Variants in MAGI2 observed in about 807,000 individuals in gnomAD.
MAGI2 encodes the protein membrane-associated guanylate kinase, WW and PDZ domain-containing protein 2.
In MAGI2, 35 loss-of-function variants were observed where a neutral mutation model predicts 133.3. The ratio of observed to expected loss-of-function variants is 0.26; its 90% CI spans 0.20 to 0.35. MAGI2 has a LOEUF of 0.35. Among genes scored for constraint, MAGI2 ranks in the 10% least tolerant of loss-of-function variants. The probability of loss-of-function intolerance (pLI) is 1.00; values close to 1 mark genes in which losing one functional copy is unlikely to be tolerated. For missense variants in MAGI2, 1,636 were observed against 1,863.4 expected (o/e 0.88, Z 2.25); for synonymous variants, 729 against 710.6 (o/e 1.03, Z -0.41).
intron 2 of MAGI2, among the ~76,000 whole-genome samples, chr7:78,852,967 T>C (rs548943441): frequency 9.9e-5 from 15 of 152,206 alleles, no homozygotes; most frequent in African/African-American, 2.7e-4. Context: ...AAAGTTGCTG[T>C]TTGAATTAGC....
intron 16 of MAGI2, among the ~76,000 whole-genome samples, chr7:78,137,303 T>A (rs984995138): frequency 2.0e-5 from 3 of 152,206 alleles, no homozygotes; most frequent in African/African-American, 2.4e-5. Flanking sequence ...TCTCTGAGTC[T>A]GTTTTTCGAC....
intron 1 of MAGI2, among the ~76,000 whole-genome samples, chr7:79,440,056 G>T (rs940782157): frequency 6.6e-6 from 1 of 151,984 alleles, no homozygotes; most frequent in African/African-American, 2.4e-5. Flanking sequence ...TTTCTACTCT[G>T]CTTGGCAGTA....
rs36097343 is a variant in MAGI2 at position 78,280,853 on chromosome 7, CA to C, written c.1409-24273del. Among the ~76,000 whole-genome samples the C allele has an allele frequency of 5.8e-3, 629 of 108,006 alleles. 2 individuals carry two copies. The highest frequency in any genetic ancestry group is 8.1e-3 in the Non-Finnish European group (454 of 56,042). The allele number at this position is 108,006 out of a possible 152,430, so 70.9% of individuals were successfully genotyped here. ...ACTTGATCTTCAGGTGATGGGTATA[CA>C]AAAAAAAAAAAAAAAAAAAAAATTG... On this transcript the variant is annotated intron_variant, in intron 9 of 21. Coordinates refer to ENST00000354212, the MANE Select transcript of MAGI2 (RefSeq NM_012301.4).
At chr7:78,136,901 A>C (rs532648537) in intron 16 of MAGI2, among the ~76,000 whole-genome samples, 1 of 152,336 alleles carries the variant, frequency 6.6e-6, no homozygotes, top group East Asian at 1.9e-4. Flanking sequence ...TATAGATAGC[A>C]TATGAAAATA....
chr7:78,353,045 C>T (rs1791686629), intron 7 of MAGI2: 1 of 152,132 alleles, frequency 6.6e-6, no homozygotes, highest in Admixed American at 6.5e-5. Context: ...TCTATCGATC[C>T]CTTTTCACTC....
chr7:78,203,367 C>T (rs1829445704), intron 10 of MAGI2, among the ~76,000 whole-genome samples: 1 of 152,214 alleles, frequency 6.6e-6, no homozygotes, highest in Non-Finnish European at 1.5e-5. Context: ...AATGTATAAT[C>T]ATCTACCGTC....
chr7:79,293,658 A>G (rs962752695), intron 1 of MAGI2, among the ~76,000 whole-genome samples: 1 of 152,248 alleles, frequency 6.6e-6, no homozygotes, highest in African/African-American at 2.4e-5. Flanking sequence ...TCCACTTGAC[A>G]GATGAAAAAT....
intron 6 of MAGI2, among the ~76,000 whole-genome samples, chr7:78,488,497 C>G (rs1206200615): frequency 1.3e-5 from 2 of 151,790 alleles, no homozygotes; most frequent in African/African-American, 4.8e-5. Flanking sequence ...AATCATAACT[C>G]CCAGTTAGAA....
intron 2 of MAGI2, among the ~76,000 whole-genome samples, chr7:78,927,579 T>G (rs1194365878): frequency 6.6e-6 from 1 of 151,900 alleles, no homozygotes; most frequent in Non-Finnish European, 1.5e-5. Context: ...AGGTAGAACT[T>G]TATTAAATGA....
chr7:78,401,186 CCA>C (rs1491274417), intron 6 of MAGI2, among the ~76,000 whole-genome samples: 3 of 127,638 alleles, frequency 2.4e-5, no homozygotes, highest in Admixed American at 1.8e-4. Flanking sequence ...CCACCAACAA[CCA>C]AAAAAAAAAA....
At chr7:78,701,946 A>C (rs186626790) in intron 2 of MAGI2, among the ~76,000 whole-genome samples, 1 of 152,014 alleles carries the variant, frequency 6.6e-6, no homozygotes, top group Admixed American at 6.6e-5. Context: ...ATGATGCATC[A>C]TATCTATTTA....
chr7:79,065,546 T>C (rs1814220034), intron 1 of MAGI2, among the ~76,000 whole-genome samples: 1 of 152,102 alleles, frequency 6.6e-6, no homozygotes, highest in Non-Finnish European at 1.5e-5. Flanking sequence ...TTCTCATATA[T>C]AATACCAAAA....
chr7:79,331,560 C>T (rs916269835), intron 1 of MAGI2, among the ~76,000 whole-genome samples: 1 of 152,052 alleles, frequency 6.6e-6, no homozygotes, highest in African/African-American at 2.4e-5. Context: ...TATTTACAGA[C>T]CAGAAAGACC....
chr7:78,144,295 T>TTTTCTTCCGTAGC (rs1823064359), intron 16 of MAGI2, among the ~76,000 whole-genome samples: 5 of 152,210 alleles, frequency 3.3e-5, no homozygotes, highest in Non-Finnish European at 7.4e-5. Context: ...TTCACATTTC[T>TTTTCTTCCGTAGC]AATAATATTC....
Position 78,119,433 on chromosome 7 carries a change from T to C in MAGI2, c.3567+6261A>G, listed in dbSNP as rs914663199. On this transcript the variant is annotated intron_variant, in intron 20 of 21. Coordinates refer to ENST00000354212, the MANE Select transcript of MAGI2 (RefSeq NM_012301.4). ...AAAATTAGCCGGGCATGGTGGTTAG[T>C]GCCTGCAGTCCCAGCCACTTGGGAG... 7.3e-5 allele frequency among the ~76,000 whole-genome samples: 11 copies of C among 151,664 alleles called. No individual in the cohort carries two copies. The East Asian group carries it at 1.9e-3, about 27-fold the overall frequency.
At chr7:78,462,264 C>T (rs1004765883) in intron 6 of MAGI2, among the ~76,000 whole-genome samples, 1 of 152,066 alleles carries the variant, frequency 6.6e-6, no homozygotes, top group Non-Finnish European at 1.5e-5. Flanking sequence ...AGTCATCAGA[C>T]AAAAACCAGT....
chr7:78,064,445 G>A (rs1813608008), intron 21 of MAGI2, among the ~76,000 whole-genome samples: 1 of 151,866 alleles, frequency 6.6e-6, no homozygotes, highest in Admixed American at 6.6e-5. Flanking sequence ...AATGAATAAT[G>A]TTGTCTTTTA....
At chr7:78,632,084 A>AT (rs993672969) in intron 2 of MAGI2, among the ~76,000 whole-genome samples, 5 of 152,190 alleles carry the variant, frequency 3.3e-5, no homozygotes, top group African/African-American at 1.2e-4. Flanking sequence ...AGCAGAAATG[A>AT]TTTTTTTAAT....
intron 2 of MAGI2, among the ~76,000 whole-genome samples, chr7:78,679,091 G>A (rs191679838): frequency 1.1e-3 from 167 of 152,188 alleles, no homozygotes; most frequent in African/African-American, 3.7e-3. Flanking sequence ...AATATTAAGT[G>A]TGTCTACTTT....
Sources: allele counts gnomAD v4.1 joint callset (sites outside exome capture counted in the v4.1 genomes callset), GRCh38; gene constraint gnomAD v4.1.1; transcripts MANE v1.5; gene names NCBI Gene and HGNC (gene_info 2026-07-23, HGNC 2026-07-21).